DGKB: variants seen among roughly 807,000 people sequenced by gnomAD.
The protein encoded by DGKB is diacylglycerol kinase beta.
A neutral mutation model predicts 114.3 loss-of-function variants in DGKB; 67 were observed. The ratio of observed to expected loss-of-function variants is 0.59; its 90% confidence interval spans 0.48 to 0.72. The LOEUF (loss-of-function observed/expected upper bound fraction) is 0.72, where lower values mean the gene tolerates loss of function less well. DGKB is among the 30% of genes least tolerant of loss of function. The probability of loss-of-function intolerance (pLI) is 0.00; values close to 1 mark genes in which losing one functional copy is unlikely to be tolerated. For missense variants in DGKB, 907 were observed against 975.2 expected, an observed-to-expected ratio of 0.93 and a Z score of 0.93; for synonymous variants, 398 against 323.1, an observed-to-expected ratio of 1.23 and a Z score of -2.49.
chr7:14,209,468 A>G, intron 23 of DGKB: 1 of 480,210 alleles, frequency 2.1e-6, no homozygotes, highest in Non-Finnish European at 4.3e-6. Flanking sequence ...CTCTGGAGTA[A>G]TGATCTTGTC....
chr7:14,569,943 T>A (rs540780827), intron 20 of DGKB, among the ~76,000 whole-genome samples: 1 of 151,658 alleles, frequency 6.6e-6, no homozygotes, highest in South Asian at 2.1e-4. Context: ...ATACTTTCAA[T>A]TTTTTTGTTA....
chr7:14,654,441 T>G (rs2128908377), intron 13 of DGKB, among the ~76,000 whole-genome samples: 1 of 152,176 alleles, frequency 6.6e-6, no homozygotes, highest in African/African-American at 2.4e-5. Context: ...ACAGTTAATA[T>G]TGTCAAAATG....
chr7:14,660,853 G>C (rs978061437), intron 13 of DGKB, among the ~76,000 whole-genome samples: 4 of 151,920 alleles, frequency 2.6e-5, no homozygotes, highest in African/African-American at 9.7e-5. Context: ...TACCAAAACA[G>C]AGATATAGAT....
At chr7:14,352,402 T>C (rs1813634179) in intron 21 of DGKB, among the ~76,000 whole-genome samples, 1 of 152,198 alleles carries the variant, frequency 6.6e-6, no homozygotes, top group African/African-American at 2.4e-5. Context: ...ATTTCTTACC[T>C]AAATGTTCTC....
chr7:14,169,620 T>A (rs1374850336), intron 25 of DGKB, among the ~76,000 whole-genome samples: 2 of 152,120 alleles, frequency 1.3e-5, no homozygotes, highest in African/African-American at 2.4e-5. Flanking sequence ...GATTCTGAAC[T>A]TTTTTCTGTG....
intron 23 of DGKB, among the ~76,000 whole-genome samples, chr7:14,295,428 T>G (rs929774775): frequency 1.3e-5 from 2 of 152,142 alleles, no homozygotes; most frequent in African/African-American, 4.8e-5. Context: ...GCCAAAAGTG[T>G]GTTTGAATTA....
intron 20 of DGKB, among the ~76,000 whole-genome samples, chr7:14,495,848 G>A (rs755686235): frequency 4.0e-5 from 6 of 151,768 alleles, no homozygotes. Flanking sequence ...AGCAATGTGA[G>A]TTGCGTATTA....
chr7:14,149,639 G>A (rs1781887624), intron 25 of DGKB, among the ~76,000 whole-genome samples: 1 of 152,034 alleles, frequency 6.6e-6, no homozygotes, highest in South Asian at 2.1e-4. Context: ...CAGAGTCCTA[G>A]TTACAGCCCA....
chr7:14,309,106 C>A (rs1804948831), intron 23 of DGKB, among the ~76,000 whole-genome samples: 1 of 152,024 alleles, frequency 6.6e-6, no homozygotes, highest in South Asian at 2.1e-4. Flanking sequence ...GTCCCAGCTA[C>A]TTGAGAGGCT....
rs576249150 is a variant in DGKB at position 14,393,981 on chromosome 7, A to G, written c.1836-48590T>C. Reference sequence around the variant, plus strand: ...GACATGGCTGTATGGTGAATTTTTAAAAAGAAAAAAAAAAAGTAAGCACTT... The same window carrying G: ...GACATGGCTGTATGGTGAATTTTTAGAAAGAAAAAAAAAAAGTAAGCACTT... On this transcript the variant is annotated intron_variant, in intron 21 of 25. Transcript: ENST00000402815. 3.3e-5 allele frequency among the ~76,000 whole-genome samples: 5 copies of G among 152,286 alleles called. No homozygotes were observed. The East Asian group carries it at 7.7e-4, about 23-fold the overall frequency.
chr7:14,579,264 T>C (rs1404486232), intron 19 of DGKB, among the ~76,000 whole-genome samples: 1 of 152,170 alleles, frequency 6.6e-6, no homozygotes, highest in Non-Finnish European at 1.5e-5. Context: ...TGCCAACACA[T>C]ATCAGACACT....
At chr7:14,484,572 T>C (rs1220110460) in intron 20 of DGKB, among the ~76,000 whole-genome samples, 2 of 152,188 alleles carry the variant, frequency 1.3e-5, no homozygotes, top group Admixed American at 1.3e-4. Context: ...GCCATGATTG[T>C]AAGCTTCCTC....
intron 1 of DGKB, among the ~76,000 whole-genome samples, chr7:14,856,053 A>G (rs1429052061): frequency 1.3e-5 from 2 of 151,650 alleles, no homozygotes; most frequent in African/African-American, 2.4e-5. Context: ...TCTACAGTGC[A>G]CTTGAATTTT....
intron 20 of DGKB, among the ~76,000 whole-genome samples, chr7:14,529,888 T>A (rs1275183463): frequency 6.6e-6 from 1 of 151,778 alleles, no homozygotes; most frequent in African/African-American, 2.4e-5. Flanking sequence ...TTCTCAAATA[T>A]TCTCTTGTCC....
In DGKB at chr7:14,869,667, G is replaced by A. The variant is rs1322493500; in HGVS notation, c.-187-28217C>T. Among the ~76,000 whole-genome samples the A allele has an allele frequency of 2.0e-5, 3 of 152,094 alleles. No individual in the cohort carries two copies. The East Asian group carries it at 5.8e-4, about 29-fold the overall frequency. On this transcript the variant is annotated intron_variant, in intron 1 of 25. Coordinates refer to ENST00000402815, the MANE Select transcript of DGKB (RefSeq NM_001350709.2). Reference sequence around the variant, plus strand: ...ACTATGTGAAAATAGACCATTAATAGGGAAGAATATATTATACATAATTAC... The same window carrying A: ...ACTATGTGAAAATAGACCATTAATAAGGAAGAATATATTATACATAATTAC...
At chr7:14,953,697 A>G (rs1204341314) in intron 1 of DGKB, among the ~76,000 whole-genome samples, 1 of 152,168 alleles carries the variant, frequency 6.6e-6, no homozygotes, top group African/African-American at 2.4e-5. Flanking sequence ...TCTTAGGTGT[A>G]GACCCAAGAA....
chr7:14,898,663 T>G (rs1040770948), intron 1 of DGKB, among the ~76,000 whole-genome samples: 2 of 152,052 alleles, frequency 1.3e-5, no homozygotes, highest in African/African-American at 2.4e-5. Context: ...CTAACTCTAT[T>G]CCCAACCCCA....
chr7:14,923,068 A>G (rs908076736), intron 1 of DGKB, among the ~76,000 whole-genome samples: 2 of 152,162 alleles, frequency 1.3e-5, no homozygotes, highest in Non-Finnish European at 2.9e-5. Context: ...TGGGTATCCA[A>G]TTATAAACAG....
At chr7:14,723,115 T>C (rs906540360) in intron 5 of DGKB, among the ~76,000 whole-genome samples, 1 of 152,050 alleles carries the variant, frequency 6.6e-6, no homozygotes, top group African/African-American at 2.4e-5. Flanking sequence ...AAAAAGTCCT[T>C]TTTCCTTTTA....
Sources: gnomAD v4.1 joint callset for allele counts (sites outside exome capture counted in the v4.1 genomes callset) on GRCh38, gnomAD v4.1.1 for gene constraint, MANE v1.5 for transcripts, NCBI Gene and HGNC (gene_info 2026-07-23, HGNC 2026-07-21) for gene names.